Variants in CDKL5 observed in about 807,000 individuals in gnomAD.
CDKL5 encodes the protein cyclin dependent kinase like 5, also known as cyclin-dependent kinase-like 5.
A neutral mutation model predicts 61.7 loss-of-function variants in CDKL5; 8 were observed. That is an observed-to-expected ratio of 0.13 (90% confidence interval 0.08 to 0.23). The LOEUF (loss-of-function observed/expected upper bound fraction) is 0.23. Ranked by LOEUF, CDKL5 falls within the 10% of genes least tolerant of loss-of-function variation. The probability of loss-of-function intolerance (pLI) is 1.00; values close to 1 mark genes in which losing one functional copy is unlikely to be tolerated. For synonymous variants in CDKL5, 275 were observed against 272.3 expected (o/e 1.01, Z -0.10); for missense variants, 440 against 734.5 (o/e 0.60, Z 4.63).
Position 18,524,984 on chromosome X carries a change from G to A in CDKL5, c.99+14130G>A, listed in dbSNP as rs1923377493. Reference sequence around the variant, plus strand: ...GTCATCCAGGCTGCAATACAGTGATGCAGTCATGGCTCACTACAGCTTCAA... The same window carrying A: ...GTCATCCAGGCTGCAATACAGTGATACAGTCATGGCTCACTACAGCTTCAA... On this transcript the variant is annotated intron_variant, in intron 3 of 17. Transcript: ENST00000623535. 3.6e-5 allele frequency among the ~76,000 whole-genome samples: 4 copies of A among 111,725 alleles called. No homozygotes were observed. The South Asian group carries it at 1.5e-3, about 42-fold the overall frequency.
intron 15 of CDKL5, among the ~76,000 whole-genome samples, chrX:18,618,326 CT>C (rs1244095036): frequency 8.9e-6 from 1 of 111,832 alleles, no homozygotes; most frequent in Non-Finnish European, 1.9e-5. Flanking sequence ...AACGACATAG[CT>C]TTTTCATAAA....
intron 1 of CDKL5, among the ~76,000 whole-genome samples, chrX:18,500,129 A>T (rs1393100153): frequency 3.6e-5 from 4 of 111,390 alleles, no homozygotes; most frequent in African/African-American, 1.3e-4. Flanking sequence ...GATTTATCAA[A>T]CTTTCTCCTT....
chrX:18,647,548 G>A (rs1927837683), intron 20 of CDKL5: 2 of 427,906 alleles, frequency 4.7e-6, no homozygotes, highest in Admixed American at 7.5e-5. Context: ...TTGCCATAGA[G>A]ACTCAACAGC....
intron 1 of CDKL5, among the ~76,000 whole-genome samples, chrX:18,464,698 G>A (rs929669669): frequency 9.9e-5 from 11 of 111,453 alleles, no homozygotes; most frequent in Non-Finnish European, 2.1e-4. Context: ...CATAAACATT[G>A]CAAAACCCCA....
intron 3 of CDKL5, among the ~76,000 whole-genome samples, chrX:18,526,407 G>C (rs1923442463): frequency 9.0e-6 from 1 of 111,616 alleles, no homozygotes; most frequent in African/African-American, 3.3e-5. Context: ...GAACAAAACA[G>C]TTTTATTTCT....
chrX:18,549,434 C>G lies in CDKL5; in HGVS notation c.100-15043C>G, dbSNP rs138164109. On this transcript the variant is annotated intron_variant, in intron 3 of 17. Transcript: ENST00000623535. ...ATGCATTTTTATGCTGATCATCAGTCCATAATTTTAAACTTTGTTTTTTAT... is the reference window on the plus strand; with the variant it reads ...ATGCATTTTTATGCTGATCATCAGTGCATAATTTTAAACTTTGTTTTTTAT... Among the ~76,000 whole-genome samples the G allele has an allele frequency of 4.1e-3, 458 of 112,201 alleles. 2 individuals are homozygous for G. The highest frequency in any genetic ancestry group is 0.014 in the African/African-American group (444 of 30,933).
chrX:18,510,858 A>G lies in CDKL5; in HGVS notation c.99+4A>G. 1 of 1,154,098 alleles carries G rather than the reference A, an allele frequency of 8.7e-7. No homozygotes were observed. Among genetic ancestry groups the G allele is most frequent in the Non-Finnish European group, 1.2e-6 (1 of 844,157 alleles). ...TGTACTTAAATGCAGACACAAGGCA[A>G]GTACATTATTTTTAAAAAGAAATAT... is the stretch of plus-strand genomic sequence containing the variant. On this transcript the variant is annotated splice_donor_region_variant and intron_variant, in intron 3 of 17. Transcript: ENST00000623535.
At chrX:18,592,395 G>A (rs1373124663) in intron 9 of CDKL5, among the ~76,000 whole-genome samples, 1 of 112,236 alleles carries the variant, frequency 8.9e-6, no homozygotes, top group African/African-American at 3.2e-5. Flanking sequence ...GCTTTATGAA[G>A]CATTTGACAT....
At chrX:18,454,788 T>A (rs1300037595) in intron 1 of CDKL5, among the ~76,000 whole-genome samples, 6 of 110,520 alleles carry the variant, frequency 5.4e-5, no homozygotes, top group African/African-American at 9.9e-5. Context: ...ACTCCTGACC[T>A]CAAATGATCC....
At chrX:18,544,766 A>G (rs1396894871) in intron 3 of CDKL5, among the ~76,000 whole-genome samples, 3 of 112,823 alleles carry the variant, frequency 2.7e-5, no homozygotes, top group African/African-American at 6.4e-5. Context: ...TACGTTTCTA[A>G]TTAGAAAAGT....
chrX:18,542,663 T>G (rs951719619), intron 3 of CDKL5, among the ~76,000 whole-genome samples: 1 of 110,360 alleles, frequency 9.1e-6, no homozygotes, highest in African/African-American at 3.3e-5. Context: ...ATGATGATTT[T>G]TTTTTTTTTT....
At chrX:18,491,772 G>A (rs992427728) in intron 1 of CDKL5, among the ~76,000 whole-genome samples, 2 of 111,168 alleles carry the variant, frequency 1.8e-5, no homozygotes, top group Non-Finnish European at 3.8e-5. Flanking sequence ...TTAATTTGTT[G>A]GATAATAAAT....
intron 1 of CDKL5, among the ~76,000 whole-genome samples, chrX:18,454,801 C>T (rs1841722963): frequency 9.0e-6 from 1 of 110,649 alleles, no homozygotes; most frequent in Non-Finnish European, 1.9e-5. Context: ...AATGATCCAC[C>T]TGCCTCATTA....
Position 18,560,130 on chromosome X carries a change from G to T in CDKL5, c.100-4347G>T, listed in dbSNP as rs557110745. On this transcript the variant is annotated intron_variant, in intron 3 of 17. Transcript: ENST00000623535. Reference sequence around the variant, plus strand: ...TGTCTTTATAGCAGCATGATTTATAGTCCTTTGGGTATATGCCCAGTAATG... The same window carrying T: ...TGTCTTTATAGCAGCATGATTTATATTCCTTTGGGTATATGCCCAGTAATG... Among the ~76,000 whole-genome samples, 387 of 110,782 alleles carry T rather than the reference G, an allele frequency of 3.5e-3. 2 individuals are homozygous for T. In the Middle Eastern group the frequency reaches 0.047, roughly 13 times the overall value.
chrX:18,633,644 T>C lies in CDKL5; in HGVS notation c.*4887T>C, dbSNP rs1927294114. 1 of 752,901 alleles carries C rather than the reference T, an allele frequency of 1.3e-6. No individual in the cohort carries two copies. Among genetic ancestry groups the C allele is most frequent in the African/African-American group, 2.3e-5 (1 of 43,355 alleles). The allele number at this position is 752,901 out of a possible 1,213,427, so 62.0% of individuals were successfully genotyped here. On this transcript the variant is annotated 3_prime_UTR_variant, in exon 18 of 18. Transcript: ENST00000623535. ...CCCTCATCTATCTGCATACACGCAA[T>C]GTGGGAGAAGTGGGGTGGCTAGGAA...
chrX:18,467,586 A>G (rs954438914), intron 1 of CDKL5, among the ~76,000 whole-genome samples: 1 of 111,924 alleles, frequency 8.9e-6, no homozygotes, highest in Non-Finnish European at 1.9e-5. Flanking sequence ...CTGAGGGATC[A>G]GAGTATTGTC....
chrX:18,575,244 A>G, intron 4 of CDKL5, 110 bp from the exon 5 acceptor site: 3 of 634,755 alleles, frequency 4.7e-6, no homozygotes, highest in Non-Finnish European at 7.6e-6. Flanking sequence ...CTTATGCAGA[A>G]GTACTCAAAG....
rs1220520324 is a variant in CDKL5, at chrX:18,464,800, A to G, written c.-163+39105A>G. Among the ~76,000 whole-genome samples the G allele has an allele frequency of 5.4e-5, 6 of 111,938 alleles. No homozygotes were observed. In the East Asian group the frequency reaches 1.1e-3, roughly 21 times the overall value. On this transcript the variant is annotated intron_variant, in intron 1 of 17. Coordinates refer to ENST00000623535, the MANE Select transcript of CDKL5 (RefSeq NM_001323289.2). Reference sequence around the variant, plus strand: ...AAGTGCATTTTCTTTAGGGAATTTAAAATCAGTAAAATTATTGACTAAGAG... The same window carrying G: ...AAGTGCATTTTCTTTAGGGAATTTAGAATCAGTAAAATTATTGACTAAGAG...
chrX:18,474,462 C>T (rs767925123), intron 1 of CDKL5, among the ~76,000 whole-genome samples: 1 of 111,925 alleles, frequency 8.9e-6, no homozygotes, highest in East Asian at 2.8e-4. Flanking sequence ...CCTCAACAAT[C>T]CTTTCTGATA....
Sources: allele counts gnomAD v4.1 joint callset (sites outside exome capture counted in the v4.1 genomes callset), GRCh38; gene constraint gnomAD v4.1.1; transcripts MANE v1.5; gene names NCBI Gene and HGNC (gene_info 2026-07-23, HGNC 2026-07-21).